Variants in LARP1B observed in about 807,000 individuals in gnomAD.
LARP1B encodes the protein la-related protein 1B.
A neutral mutation model predicts 114.2 loss-of-function variants in LARP1B; 76 were observed. The ratio of observed to expected loss-of-function variants is 0.67; its 90% CI spans 0.55 to 0.81. LARP1B has a LOEUF of 0.81. Among genes scored for constraint, LARP1B ranks in the 30% least tolerant of loss-of-function variants. The pLI, the probability that LARP1B is intolerant of heterozygous loss-of-function variation, is 0.00. For synonymous variants in LARP1B, 345 were observed against 348.0 expected (o/e 0.99, Z 0.10); for missense variants, 1,014 against 1,075.8 (o/e 0.94, Z 0.80).
intron 9 of LARP1B, among the ~76,000 whole-genome samples, chr4:128,110,550 G>A (rs1216663044): frequency 1.3e-5 from 2 of 148,152 alleles, no homozygotes. Context: ...AGTGGCGGGC[G>A]CCTGTAGTCC....
chr4:128,203,968 C>T (rs1276627305), intron 17 of LARP1B, among the ~76,000 whole-genome samples: 1 of 152,148 alleles, frequency 6.6e-6, no homozygotes, highest in Admixed American at 6.5e-5. Context: ...GAGTAAATGA[C>T]AACTGAGAAG....
At chr4:128,182,983 G>A (rs575847714) in intron 15 of LARP1B, among the ~76,000 whole-genome samples, 3 of 152,300 alleles carry the variant, frequency 2.0e-5, no homozygotes, top group Non-Finnish European at 4.4e-5. Context: ...TGAAAGAGGC[G>A]AGGGAGGTGC....
chr4:128,115,267 T>G (rs1372715328), intron 10 of LARP1B, among the ~76,000 whole-genome samples: 2 of 152,162 alleles, frequency 1.3e-5, no homozygotes, highest in Non-Finnish European at 2.9e-5. Context: ...TGAACATGAT[T>G]TAAGAATTTT....
At chr4:128,090,774 T>G (rs954222089) in intron 5 of LARP1B, among the ~76,000 whole-genome samples, 1 of 152,222 alleles carries the variant, frequency 6.6e-6, no homozygotes, top group Non-Finnish European at 1.5e-5. Flanking sequence ...TTTTACTTGT[T>G]AGAATGTATT....
intron 5 of LARP1B, among the ~76,000 whole-genome samples, chr4:128,089,794 C>T (rs915588591): frequency 3.3e-5 from 5 of 150,530 alleles, no homozygotes; most frequent in African/African-American, 4.9e-5. Context: ...TATTCTGAGA[C>T]GGAGTCTTGT....
chr4:128,158,295 G>A (rs183074692), intron 11 of LARP1B, among the ~76,000 whole-genome samples: 42 of 152,266 alleles, frequency 2.8e-4, no homozygotes, highest in African/African-American at 8.4e-4. Context: ...TATACAAAAT[G>A]TGAATGCAGT....
intron 15 of LARP1B, among the ~76,000 whole-genome samples, chr4:128,197,522 C>T (rs1440277406): frequency 6.6e-6 from 1 of 152,012 alleles, no homozygotes; most frequent in East Asian, 1.9e-4. Context: ...GGTGAAACCC[C>T]ATCTCTACTA....
At chr4:128,097,135 C>T (rs569910786) in intron 7 of LARP1B, among the ~76,000 whole-genome samples, 144 of 151,072 alleles carry the variant, frequency 9.5e-4, no homozygotes, top group Non-Finnish European at 9.2e-4. Flanking sequence ...TGACCTCAAG[C>T]GATCCACCCA....
intron 8 of LARP1B, among the ~76,000 whole-genome samples, chr4:128,098,747 G>GTGTATATATATATATATATA: frequency 6.4e-5 from 1 of 15,594 alleles, no homozygotes; most frequent in African/African-American, 1.9e-4. Context: ...ATATGTATGT[G>GTGTATATATATATATATATA]TATATATATA....
Position 128,122,081 on chromosome 4 carries a change from C to A in LARP1B, c.1417C>A (p.Arg473=). ...GGDRTGTHMS[R]AKITSELAKV... ...AGATCGAACAGGCACCCACATGTCT[C>A]GGGCAAAAATCACATCTGAACTTGC... The change falls in exon 11 of 20, where the codon CGG becomes AGG. Residue 473 remains arginine, a synonymous_variant. Transcript: ENST00000326639. 1 of 1,613,996 alleles carries A rather than the reference C, an allele frequency of 6.2e-7. No individual in the cohort carries two copies. The highest frequency in any genetic ancestry group is 8.5e-7 in the Non-Finnish European group (1 of 1,179,988).
chr4:128,108,177 G>C lies in LARP1B; in HGVS notation c.988+864G>C, dbSNP rs988568180. 3 of 1,228,948 alleles carry C rather than the reference G, an allele frequency of 2.4e-6. No homozygotes were observed. In the East Asian group the frequency reaches 9.8e-5, roughly 40 times the overall value. 76.1% of individuals were successfully genotyped at this position (1,228,948 alleles called of 1,614,324 possible). ...GTAATTGGCCTGGGCTGCATGGGCT[G>C]CTTTTATTCATGGTGGGAAAGTTAA... is the stretch of plus-strand genomic sequence containing the variant. On this transcript the variant is annotated intron_variant, in intron 9 of 19. Coordinates refer to ENST00000326639, the MANE Select transcript of LARP1B (RefSeq NM_018078.4).
chr4:128,077,829 T>G lies in LARP1B; in HGVS notation c.84T>G (p.Asn28Lys), dbSNP rs748821366. Residue 28 changes from asparagine to lysine, a missense_variant, in exon 4 of 20, where the codon AAT becomes AAG. Coordinates refer to ENST00000326639, the MANE Select transcript of LARP1B (RefSeq NM_018078.4). ...VLSQGNKKPQNRKEKEEKVEK... is the reference protein window; with the variant it reads ...VLSQGNKKPQKRKEKEEKVEK... ...GCCAAGGAAATAAAAAGCCACAAAA[T>G]AGAAAAGAAAAAGAAGAGAAGGTTG... The G allele has an allele frequency of 3.1e-6, 5 of 1,604,922 alleles. No individual in the cohort carries two copies. The highest frequency in any genetic ancestry group is 4.2e-6 in the Non-Finnish European group (5 of 1,177,184).
chr4:128,176,088 C>T (rs1230955599), intron 12 of LARP1B, among the ~76,000 whole-genome samples: 1 of 145,842 alleles, frequency 6.9e-6, no homozygotes, highest in Non-Finnish European at 1.5e-5. Context: ...CTGTCTCTCT[C>T]TCTCGATATA....
chr4:128,134,700 G>A (rs1792704393), intron 11 of LARP1B, among the ~76,000 whole-genome samples: 1 of 152,018 alleles, frequency 6.6e-6, no homozygotes, highest in Non-Finnish European at 1.5e-5. Flanking sequence ...ATCTGATAAG[G>A]GATTAGTATC....
At chr4:128,195,807 T>G (rs1373944195) in intron 15 of LARP1B, among the ~76,000 whole-genome samples, 1 of 152,148 alleles carries the variant, frequency 6.6e-6, no homozygotes, top group African/African-American at 2.4e-5. Context: ...TCAAGGAAAC[T>G]AAAAGTTGAT....
intron 11 of LARP1B, chr4:128,122,454 GTTTTGTTTTT>G (rs1349075466): frequency 1.4e-6 from 2 of 1,416,550 alleles, no homozygotes; most frequent in Non-Finnish European, 1.9e-6. Flanking sequence ...TTTTTTTTTT[GTTTTGTTTTT>G]TTTTGTTTTT....
intron 15 of LARP1B, among the ~76,000 whole-genome samples, chr4:128,180,464 TA>T (rs1747961955): frequency 1.3e-5 from 2 of 152,370 alleles, no homozygotes; most frequent in African/African-American, 4.8e-5. Flanking sequence ...TTGATTATTT[TA>T]CATTGTTCTT....
chr4:128,129,336 A>G (rs368722364), intron 11 of LARP1B, among the ~76,000 whole-genome samples: 270 of 140,298 alleles, frequency 1.9e-3, no homozygotes, highest in African/African-American at 6.7e-3. Context: ...GCGACAGAGC[A>G]AGACTCCGTC....
intron 6 of LARP1B, among the ~76,000 whole-genome samples, chr4:128,219,760 C>G (rs1185932095): frequency 6.8e-6 from 1 of 147,890 alleles, no homozygotes. Context: ...CTAACCTGCA[C>G]AATGTGCACA....
Sources: gnomAD v4.1 joint callset for allele counts (sites outside exome capture counted in the v4.1 genomes callset) on GRCh38, gnomAD v4.1.1 for gene constraint, MANE v1.5 for transcripts, NCBI Gene and HGNC (gene_info 2026-07-23, HGNC 2026-07-21) for gene names.